The following CSGALNACT1 variants were observed in gnomAD, a reference collection of about 807,000 sequenced individuals.
CSGALNACT1 encodes the protein chondroitin sulfate N-acetylgalactosaminyltransferase 1.
Under a neutral mutation model 51.0 loss-of-function variants are expected in CSGALNACT1, and 52 were observed. That is an observed-to-expected ratio of 1.02 (90% confidence interval 0.82 to 1.29). The LOEUF (loss-of-function observed/expected upper bound fraction) is 1.29. Ranked by LOEUF, CSGALNACT1 falls within the 50% of genes most tolerant of loss-of-function variation. CSGALNACT1 has a pLI of 0.00. For synonymous variants in CSGALNACT1, 341 were observed against 254.4 expected (o/e 1.34, Z -3.24); for missense variants, 935 against 679.2 (o/e 1.38, Z -4.19).
At chr8:19,662,819 T>TG (rs773126131) in intron 1 of CSGALNACT1, among the ~76,000 whole-genome samples, 5 of 152,140 alleles carry the variant, frequency 3.3e-5, no homozygotes, top group Non-Finnish European at 7.3e-5. Context: ...ACCCATCAGC[T>TG]GGGGCACTAG....
chr8:19,595,935 C>T (rs2048802599), intron 2 of CSGALNACT1, among the ~76,000 whole-genome samples: 1 of 150,524 alleles, frequency 6.6e-6, no homozygotes, highest in African/African-American at 2.4e-5. Context: ...GTGATCTCAG[C>T]TCACTACAGT....
chr8:19,497,811 C>A (rs1031975671), intron 4 of CSGALNACT1, among the ~76,000 whole-genome samples: 1 of 152,140 alleles, frequency 6.6e-6, no homozygotes, highest in Non-Finnish European at 1.5e-5. Context: ...CCCTCTGCTC[C>A]CTGAGATAAA....
chr8:19,675,883 A>G (rs1418146296), intron 1 of CSGALNACT1, among the ~76,000 whole-genome samples: 2 of 152,102 alleles, frequency 1.3e-5, no homozygotes, highest in Non-Finnish European at 2.9e-5. Flanking sequence ...GCGATATAAC[A>G]GAGACCTGAG....
At chr8:19,586,747 C>T (rs538366720) in intron 3 of CSGALNACT1, among the ~76,000 whole-genome samples, 1 of 152,206 alleles carries the variant, frequency 6.6e-6, no homozygotes, top group Admixed American at 6.5e-5. Context: ...TGAGAAATGT[C>T]CAGCTGGAAA....
intron 1 of CSGALNACT1, among the ~76,000 whole-genome samples, chr8:19,644,854 A>T (rs1191949557): frequency 6.6e-6 from 1 of 152,146 alleles, no homozygotes; most frequent in Non-Finnish European, 1.5e-5. Context: ...CAAAAAAATC[A>T]TTCTAAATAT....
At chr8:19,626,101 C>T (rs139615805) in intron 1 of CSGALNACT1, among the ~76,000 whole-genome samples, 89 of 152,146 alleles carry the variant, frequency 5.8e-4, no homozygotes, top group African/African-American at 2.0e-3. Flanking sequence ...GGAAACAGAA[C>T]TAAAAAGTTA....
At chr8:19,527,454 A>G (rs779002763) in intron 3 of CSGALNACT1, among the ~76,000 whole-genome samples, 2 of 152,094 alleles carry the variant, frequency 1.3e-5, no homozygotes, top group Non-Finnish European at 2.9e-5. Flanking sequence ...TCCTAAAAAT[A>G]GAAAAATTAG....
At chr8:19,698,033 G>C (rs2061669179) in intron 1 of CSGALNACT1, among the ~76,000 whole-genome samples, 1 of 151,742 alleles carries the variant, frequency 6.6e-6, no homozygotes, top group Admixed American at 6.6e-5. Flanking sequence ...GTCATGGTGA[G>C]AAGGGTCACA....
At chr8:19,590,110 G>C (rs1288038509) in intron 3 of CSGALNACT1, among the ~76,000 whole-genome samples, 1 of 152,114 alleles carries the variant, frequency 6.6e-6, no homozygotes, top group Non-Finnish European at 1.5e-5. Context: ...CCCAAGTTTG[G>C]TGACGTTGTC....
chr8:19,484,130 C>A (rs747743197), intron 4 of CSGALNACT1, among the ~76,000 whole-genome samples: 7 of 152,158 alleles, frequency 4.6e-5, no homozygotes, highest in Non-Finnish European at 7.3e-5. Context: ...GGTATTACTG[C>A]GCTTATGTTC....
At chr8:19,574,866 C>G (rs12335266) in intron 3 of CSGALNACT1, among the ~76,000 whole-genome samples, 15,494 of 152,088 alleles carry the variant, frequency 0.1, 804 homozygotes, top group South Asian at 0.21. Flanking sequence ...GAAATCCCGT[C>G]TCTACTAAAA....
chr8:19,602,989 C>T (rs185534913), upstream of CSGALNACT1, among the ~76,000 whole-genome samples: 7 of 148,682 alleles, frequency 4.7e-5, no homozygotes, highest in African/African-American at 1.7e-4. Flanking sequence ...TATATATATA[C>T]ATACATACAC....
At chr8:19,682,699 C>T (rs763864274), upstream of CSGALNACT1, 90 of 453,974 alleles carry the variant, frequency 2.0e-4, no homozygotes, top group Admixed American at 1.2e-3. Context: ...TACTCACCTC[C>T]GTGCAATTCG....
At chr8:19,620,658 C>G (rs993029988) in intron 1 of CSGALNACT1, among the ~76,000 whole-genome samples, 2 of 152,160 alleles carry the variant, frequency 1.3e-5, no homozygotes, top group African/African-American at 4.8e-5. Flanking sequence ...AGGTCTTCAA[C>G]TCCTGGCTTA....
At chr8:19,739,732 G>A (rs1490284370) in intron 1 of CSGALNACT1, among the ~76,000 whole-genome samples, 6 of 152,166 alleles carry the variant, frequency 3.9e-5, no homozygotes, top group Non-Finnish European at 8.8e-5. Flanking sequence ...CCATGAGCAC[G>A]AGGAATCTAT....
intron 1 of CSGALNACT1, among the ~76,000 whole-genome samples, chr8:19,743,944 C>T (rs1007500896): frequency 1.9e-4 from 29 of 152,020 alleles, no homozygotes; most frequent in African/African-American, 7.0e-4. Flanking sequence ...ATATTTGCTA[C>T]ACTGGCACTC....
chr8:19,687,913 C>G (rs2154213079), intron 1 of CSGALNACT1, among the ~76,000 whole-genome samples: 1 of 152,278 alleles, frequency 6.6e-6, no homozygotes, highest in African/African-American at 2.4e-5. Context: ...GAAAAAGAAT[C>G]AAGTTTCTGA....
Position 19,482,366 on chromosome 8 carries a change from C to A in CSGALNACT1, c.634+22835G>T, listed in dbSNP as rs181795496. 5.8e-3 allele frequency among the ~76,000 whole-genome samples: 883 copies of A among 152,260 alleles called. 5 individuals carry two copies. The highest frequency in any genetic ancestry group is 0.017 in the Middle Eastern group (5 of 294). On this transcript the variant is annotated intron_variant, in intron 4 of 9. Coordinates refer to ENST00000454498, the Ensembl canonical transcript of CSGALNACT1. ...ACAGTGCCGTTTTAGGCTCTGTAAC[C>A]AACATCAGAGGACTTTTTCCTTTTC...
intron 4 of CSGALNACT1, among the ~76,000 whole-genome samples, chr8:19,499,128 C>T (rs2075992105): frequency 6.6e-6 from 1 of 152,162 alleles, no homozygotes; most frequent in Non-Finnish European, 1.5e-5. Flanking sequence ...AACAAACAAA[C>T]AAACAAACAG....
Sources: gnomAD v4.1 joint callset for allele counts (sites outside exome capture counted in the v4.1 genomes callset) on GRCh38, gnomAD v4.1.1 for gene constraint, MANE v1.5 for transcripts, NCBI Gene and HGNC (gene_info 2026-07-23, HGNC 2026-07-21) for gene names.